Variants in INTU observed in about 807,000 individuals in gnomAD.
INTU encodes the protein inturned planar cell polarity protein.
INTU carries 68 observed loss-of-function variants against 100.5 expected under a neutral mutation model. That is an observed-to-expected ratio of 0.68 (90% CI 0.56 to 0.83). The LOEUF is 0.83. Among genes scored for constraint, INTU ranks in the 40% least tolerant of loss-of-function variants. INTU has a pLI of 0.00. For synonymous variants in INTU, 357 were observed against 395.7 expected, an observed-to-expected ratio of 0.90 and a Z score of 1.16; for missense variants, 1,071 against 1,114.7, an observed-to-expected ratio of 0.96 and a Z score of 0.56.
At chr4:127,679,625 G>T (rs1026992599) in intron 6 of INTU, among the ~76,000 whole-genome samples, 52 of 152,106 alleles carry the variant, frequency 3.4e-4, no homozygotes, top group African/African-American at 1.2e-3. Flanking sequence ...GAAATTTATA[G>T]CACTAAATGC....
In INTU at chr4:127,716,431, T is replaced by G. The variant is rs1157152896; in HGVS notation, c.2824T>G (p.Leu942Val). 2.6e-6 allele frequency: 4 copies of G among 1,528,090 alleles called. No individual in the cohort carries two copies. The highest frequency in any genetic ancestry group is 3.8e-5 in the Admixed American group (2 of 52,626). The allele number at this position is 1,528,090 out of a possible 1,614,324, so 94.7% of individuals were successfully genotyped here. A position where few individuals can be genotyped will look rare whatever the true frequency, so the allele number is the denominator to read the frequency against. The change falls in exon 16 of 16, where the codon TTG (leucine) becomes GTG (valine). Residue 942 changes from leucine (L) to valine (V), a missense_variant. Leu to Val is a conservative substitution (Grantham distance 32). Transcript: ENST00000335251. ...IAFKLFFGLTL is the reference protein window; with the variant it reads ...IAFKLFFGLTV ...TTTTAAATTGTTCTTTGGGTTAACC[T>G]TGTAGCTGTGCTTTCTTGATGCGTA...
intron 1 of INTU, among the ~76,000 whole-genome samples, chr4:127,641,230 G>A (rs940242018): frequency 6.6e-6 from 1 of 152,064 alleles, no homozygotes; most frequent in Admixed American, 6.6e-5. Context: ...CCTATCCAGG[G>A]ATATCTAACA....
At chr4:127,634,476 C>T (rs1167616484) in intron 1 of INTU, among the ~76,000 whole-genome samples, 2 of 152,132 alleles carry the variant, frequency 1.3e-5, no homozygotes, top group Non-Finnish European at 2.9e-5. Flanking sequence ...CCTAATGGGC[C>T]ACCATGACTT....
At chr4:127,635,087 A>C (rs6836676) in intron 1 of INTU, among the ~76,000 whole-genome samples, 3,811 of 152,310 alleles carry the variant, frequency 0.025, 151 homozygotes, top group African/African-American at 0.087. Context: ...GTTTTAGTTA[A>C]CTGCGTGTTC....
At chr4:127,645,720 C>G (rs963581436) in intron 2 of INTU, among the ~76,000 whole-genome samples, 1 of 151,924 alleles carries the variant, frequency 6.6e-6, no homozygotes, top group Non-Finnish European at 1.5e-5. Context: ...ACCACCATGC[C>G]TGACTAATTT....
rs115054260 is a variant in INTU, at chr4:127,659,182, G to T, written c.768+2461G>T. 2.9e-3 allele frequency among the ~76,000 whole-genome samples: 449 copies of T among 152,270 alleles called. 5 individuals carry two copies. Among genetic ancestry groups the T allele is most frequent in the Non-Finnish European group, 3.3e-3 (223 of 68,010 alleles). On this transcript the variant is annotated intron_variant, in intron 3 of 15. Coordinates refer to ENST00000335251, the MANE Select transcript of INTU (RefSeq NM_015693.4). ...CACTCACCTCCTGCTATGCCACCTGGTTCCTAATGGTTCTGGTACCTGTCC... is the reference window on the plus strand; with the variant it reads ...CACTCACCTCCTGCTATGCCACCTGTTTCCTAATGGTTCTGGTACCTGTCC...
intron 3 of INTU, among the ~76,000 whole-genome samples, chr4:127,658,301 G>T (rs1728324592): frequency 6.7e-6 from 1 of 148,966 alleles, no homozygotes; most frequent in Admixed American, 6.8e-5. Context: ...GACCAGCAAT[G>T]CCTAGGAATG....
chr4:127,713,905 G>A (rs760304781), intron 14 of INTU, 31 bp from the exon 15 acceptor site: 3 of 1,503,458 alleles, frequency 2.0e-6, no homozygotes, highest in South Asian at 1.2e-5. Context: ...GGTAATACCA[G>A]TTAATACTAA....
At position 127,632,982 on chromosome 4, in the gene INTU, G is replaced by C; in HGVS notation, c.-53G>C. On this transcript the variant is annotated 5_prime_UTR_variant, in exon 1 of 16. Coordinates refer to ENST00000335251, the MANE Select transcript of INTU (RefSeq NM_015693.4). ...AGAGGCAACATGGCGGCCTTAGCAA[G>C]CTATAGCTGCGAGATTTGAATTACT... 6.4e-7 allele frequency: 1 copy of C among 1,570,150 alleles called. No homozygotes were observed. The highest frequency in any genetic ancestry group is 1.1e-5 in the South Asian group (1 of 87,420).
At chr4:127,706,458 AC>A in intron 11 of INTU, 28 bp from the exon 12 acceptor site, 1 of 1,562,618 alleles carries the variant, frequency 6.4e-7, no homozygotes, top group Non-Finnish European at 8.7e-7. Flanking sequence ...TGGTAGCTAA[AC>A]CTACATTTGT....
intron 12 of INTU, 85 bp from the exon 13 acceptor site, chr4:127,708,486 C>T (rs1242545393): frequency 2.8e-6 from 2 of 707,336 alleles, no homozygotes; most frequent in African/African-American, 3.6e-5. Context: ...GTAGTTCCCT[C>T]AGAAGGATGT....
chr4:127,666,574 C>T (rs1276511840), intron 4 of INTU, among the ~76,000 whole-genome samples: 1 of 152,142 alleles, frequency 6.6e-6, no homozygotes, highest in Admixed American at 6.6e-5. Flanking sequence ...GGAATCAGCC[C>T]TCAGGACAGC....
In INTU at chr4:127,717,969, T is replaced by C. The variant is rs911007564; in HGVS notation, c.*1533T>C. 6.6e-6 allele frequency: 1 copy of C among 152,236 alleles called. No homozygotes were observed. Among genetic ancestry groups the C allele is most frequent in the African/African-American group, 2.4e-5 (1 of 41,474 alleles). The allele number at this position is 152,236 out of a possible 1,614,324, so 9.4% of individuals were successfully genotyped here. On this transcript the variant is annotated 3_prime_UTR_variant, in exon 16 of 16. Transcript: ENST00000335251. ...TCACTCTGATGATAGTTTCTTTTGC[T>C]GTGCAGAAGGTCTTTAATTTAACTA... is the stretch of plus-strand genomic sequence containing the variant.
intron 6 of INTU, among the ~76,000 whole-genome samples, chr4:127,675,595 T>G (rs918505626): frequency 6.6e-6 from 1 of 152,128 alleles, no homozygotes; most frequent in Non-Finnish European, 1.5e-5. Flanking sequence ...TGCCTCAAGG[T>G]CTTTTCTTGA....
At chr4:127,639,121 A>C (rs1339292983) in intron 1 of INTU, among the ~76,000 whole-genome samples, 1 of 152,172 alleles carries the variant, frequency 6.6e-6, no homozygotes, top group Non-Finnish European at 1.5e-5. Flanking sequence ...ACAAGACATG[A>C]ATATTGGTCA....
Position 127,712,249 on chromosome 4 carries a change from A to G in INTU, c.2559+1147A>G, listed in dbSNP as rs927777245. ...CATCATCTCTCCAGGTTCATTCAGCAGTAAAATTCTGTGTCTTGTAGGATT... is the reference window on the plus strand; with the variant it reads ...CATCATCTCTCCAGGTTCATTCAGCGGTAAAATTCTGTGTCTTGTAGGATT... On this transcript the variant is annotated intron_variant, in intron 14 of 15. Coordinates refer to ENST00000335251, the MANE Select transcript of INTU (RefSeq NM_015693.4). Among the ~76,000 whole-genome samples, 2 of 152,220 alleles carry G rather than the reference A, an allele frequency of 1.3e-5. 1 individual carries two copies. Among genetic ancestry groups the G allele is most frequent in the Admixed American group, 1.3e-4 (2 of 15,290 alleles).
Position 127,675,153 on chromosome 4 carries a change from C to T in INTU, c.1181+940C>T, listed in dbSNP as rs536908825. ...ACTTTTGCCTACTTTAAAAAGGATT[C>T]AGACAACTTTTATTAAGTAATTAAA... is the stretch of plus-strand genomic sequence containing the variant. On this transcript the variant is annotated intron_variant, in intron 6 of 15. Coordinates refer to ENST00000335251, the MANE Select transcript of INTU (RefSeq NM_015693.4). 2.6e-5 allele frequency among the ~76,000 whole-genome samples: 4 copies of T among 152,320 alleles called. No individual in the cohort carries two copies. The East Asian group carries it at 7.7e-4, about 29-fold the overall frequency.
chr4:127,651,035 CA>C (rs1312914436), intron 2 of INTU, among the ~76,000 whole-genome samples: 3 of 152,144 alleles, frequency 2.0e-5, no homozygotes, highest in African/African-American at 7.2e-5. Context: ...AGTGTCTGTT[CA>C]TGTCCTTCTC....
At chr4:127,686,172 A>G (rs1578601827) in intron 7 of INTU, 1 of 152,318 alleles carries the variant, frequency 6.6e-6, no homozygotes, top group East Asian at 1.9e-4. Context: ...TTAATTCTCT[A>G]TGAGCCACAG....
Sources: gnomAD v4.1 joint callset for allele counts (sites outside exome capture counted in the v4.1 genomes callset) on GRCh38, gnomAD v4.1.1 for gene constraint, MANE v1.5 for transcripts, NCBI Gene and HGNC (gene_info 2026-07-23, HGNC 2026-07-21) for gene names.